Variants in LTN1 observed in about 807,000 individuals in gnomAD.
LTN1 encodes E3 ubiquitin-protein ligase listerin.
LTN1 carries 88 observed loss-of-function variants against 201.2 expected under a neutral mutation model. The observed-to-expected ratio is 0.44, with a 90% confidence interval of 0.37 to 0.52. The LOEUF is 0.52. Ranked by LOEUF, LTN1 falls within the 20% of genes least tolerant of loss-of-function variation. The pLI is 0.00. For missense variants in LTN1, 1,752 were observed against 2,038.7 expected (o/e 0.86, Z 2.71); for synonymous variants, 645 against 713.5 (o/e 0.90, Z 1.53).
At chr21:28,935,945 A>C (rs1239697783) in intron 26 of LTN1, among the ~76,000 whole-genome samples, 1 of 152,192 alleles carries the variant, frequency 6.6e-6, no homozygotes. Flanking sequence ...TAGAATACAC[A>C]TATTTTAAAA....
chr21:28,990,964 G>A (rs2084740335), intron 1 of LTN1, among the ~76,000 whole-genome samples: 1 of 151,686 alleles, frequency 6.6e-6, no homozygotes, highest in Non-Finnish European at 1.5e-5. Context: ...TGGGCAACAT[G>A]GCAAAACTCT....
At position 28,943,693 on chromosome 21, in the gene LTN1, T is replaced by C; in HGVS notation, c.4194A>G (p.Gln1398=). Residue 1398 remains glutamine, a synonymous_variant, in exon 23 of 30, where the codon CAA becomes CAG. Coordinates refer to ENST00000361371, the MANE Select transcript of LTN1 (RefSeq NM_015565.3). ...TGTATAGCATATGATAAACAGCAAT[T>C]TGCACAGGCCTAGCTCTGAAGAGGA... The part of the protein sequence containing the change: ...PLLLFRARPV[Q]IAVYHMLYKL... The C allele has an allele frequency of 6.2e-7, 1 of 1,612,124 alleles. No homozygotes were observed. The highest frequency in any genetic ancestry group is 8.5e-7 in the Non-Finnish European group (1 of 1,178,256).
chr21:28,928,208 G>A lies in LTN1; in HGVS notation c.*2240C>T, dbSNP rs954398703. On this transcript the variant is annotated 3_prime_UTR_variant, in exon 30 of 30. Coordinates refer to ENST00000361371, the MANE Select transcript of LTN1 (RefSeq NM_015565.3). ...AGAAGCAAATATGGCAAAATAGTAT[G>A]TGAAGGGTACAAGGGCATTTATATT... is the stretch of plus-strand genomic sequence containing the variant. 6.6e-6 allele frequency: 1 copy of A among 152,484 alleles called. No individual in the cohort carries two copies. The highest frequency in any genetic ancestry group is 1.5e-5 in the Non-Finnish European group (1 of 67,998). 9.4% of individuals were successfully genotyped at this position (152,484 alleles called of 1,614,324 possible).
Position 28,929,984 on chromosome 21 carries a change from TTTA to T in LTN1, c.*461_*463del, listed in dbSNP as rs1568828298. 2 of 152,382 alleles carry T rather than the reference TTTA, an allele frequency of 1.3e-5. No homozygotes were observed. The highest frequency in any genetic ancestry group is 2.1e-4 in the South Asian group (1 of 4,842). The allele number at this position is 152,382 out of a possible 1,614,324, so 9.4% of individuals were successfully genotyped here. A position where few individuals can be genotyped will look rare whatever the true frequency, so the allele number is the denominator to read the frequency against. The stretch of plus-strand genomic sequence containing the variant: ...TAATCTACAAATATCAGAATACTAA[TTTA>T]TTGTCATAACTAATAAATAAGGCTT... On this transcript the variant is annotated 3_prime_UTR_variant, in exon 30 of 30. Transcript: ENST00000361371.
intron 18 of LTN1, among the ~76,000 whole-genome samples, chr21:28,951,213 AGTT>A (rs1207044631): frequency 3.9e-5 from 6 of 152,226 alleles, no homozygotes; most frequent in Non-Finnish European, 8.8e-5. Flanking sequence ...CAAAATAAAA[AGTT>A]TTTTAAAACT....
chr21:28,966,568 A>C lies in LTN1; in HGVS notation c.1923T>G (p.Ile641Met). The C allele has an allele frequency of 6.2e-7, 1 of 1,614,144 alleles. No individual in the cohort carries two copies. The highest frequency in any genetic ancestry group is 2.2e-5 in the East Asian group (1 of 44,868). Residue 641 changes from isoleucine to methionine, a missense_variant, in exon 10 of 30, where the codon ATT (isoleucine) becomes ATG (methionine). Physicochemically the swap from Ile to Met is conservative, Grantham distance 10 (BLOSUM62 1). Coordinates refer to ENST00000361371, the MANE Select transcript of LTN1 (RefSeq NM_015565.3). Reference protein sequence around the residue: ...KMLLGDEKQSIVQAKPLEIAK... With the variant: ...KMLLGDEKQSMVQAKPLEIAK... ...CTATTTCAAGAGGTTTGGCTTGGAC[A>C]ATACTCTGTTTTTCATCACCAAGTA...
intron 6 of LTN1, among the ~76,000 whole-genome samples, chr21:28,976,166 T>C (rs2084613738): frequency 6.6e-6 from 1 of 152,102 alleles, no homozygotes; most frequent in Admixed American, 6.6e-5. Flanking sequence ...TATATAAGTA[T>C]ATATACATGT....
intron 1 of LTN1, among the ~76,000 whole-genome samples, chr21:28,988,417 A>C (rs920621751): frequency 4.0e-5 from 6 of 151,550 alleles, no homozygotes; most frequent in Admixed American, 1.3e-4. Flanking sequence ...CAGTGAGTCA[A>C]GATTGTGCTA....
intron 15 of LTN1, among the ~76,000 whole-genome samples, 160 bp downstream of exon 15, chr21:28,957,172 T>C (rs1450122736): frequency 6.6e-6 from 1 of 152,176 alleles, no homozygotes; most frequent in Non-Finnish European, 1.5e-5. Flanking sequence ...AAATGGTGTC[T>C]TGCAAAAAGC....
chr21:28,955,910 G>A (rs540702210), intron 16 of LTN1, among the ~76,000 whole-genome samples: 97 of 124,768 alleles, frequency 7.8e-4, no homozygotes, highest in Non-Finnish European at 1.2e-3. Flanking sequence ...GCAACAGAGC[G>A]AGACTCTGTC....
chr21:28,965,026 A>G (rs2084510002), intron 11 of LTN1, among the ~76,000 whole-genome samples: 1 of 152,228 alleles, frequency 6.6e-6, no homozygotes, highest in Non-Finnish European at 1.5e-5. Flanking sequence ...TAATGGATAC[A>G]GGGTTTCAGT....
At position 28,960,668 on chromosome 21, in the gene LTN1, A is replaced by C; in HGVS notation, c.2202T>G (p.Pro734=). The change falls in exon 12 of 30, where the codon CCT becomes CCG. Residue 734 remains proline (P), a synonymous_variant. Transcript: ENST00000361371. The part of the protein sequence containing the change: ...PSSDKHALVT[P]WLKGDILGEK... ...CACCAAGGATATCGCCTTTGAGCCAAGGAGTTACTAAAGCATGTTTATCTG... is the reference window on the plus strand; with the variant it reads ...CACCAAGGATATCGCCTTTGAGCCACGGAGTTACTAAAGCATGTTTATCTG... 6.2e-7 allele frequency: 1 copy of C among 1,614,032 alleles called. No homozygotes were observed. Among genetic ancestry groups the C allele is most frequent in the Non-Finnish European group, 8.5e-7 (1 of 1,179,966 alleles).
chr21:28,949,828 G>A (rs2084368951), intron 18 of LTN1, among the ~76,000 whole-genome samples: 1 of 152,122 alleles, frequency 6.6e-6, no homozygotes, highest in African/African-American at 2.4e-5. Context: ...GAAGGTCTCA[G>A]TATTTTTCTT....
chr21:28,964,154 C>T (rs1180133743), intron 11 of LTN1, among the ~76,000 whole-genome samples: 1 of 152,192 alleles, frequency 6.6e-6, no homozygotes, highest in Non-Finnish European at 1.5e-5. Flanking sequence ...AAAGGATTGA[C>T]TCCAATTTTG....
chr21:28,943,563 C>T, intron 23 of LTN1, 104 bp downstream of exon 23: 1 of 897,608 alleles, frequency 1.1e-6, no homozygotes, highest in Non-Finnish European at 1.7e-6. Context: ...AGTCAGATCT[C>T]CTTCTTTTAA....
chr21:28,972,122 T>C (rs2084579987), intron 6 of LTN1, among the ~76,000 whole-genome samples: 1 of 152,058 alleles, frequency 6.6e-6, no homozygotes, highest in African/African-American at 2.4e-5. Flanking sequence ...AGAGGGCCCT[T>C]ACAAAAGGGT....
rs1189014359 is a variant in LTN1, at chr21:28,967,041, C to T, written c.1450G>A (p.Glu484Lys). 1.2e-5 allele frequency: 20 copies of T among 1,614,024 alleles called. No homozygotes were observed. The highest frequency in any genetic ancestry group is 1.7e-5 in the Non-Finnish European group (20 of 1,180,028). ...EKDEKTAHNL[E>K]NVLIHFWERL... ...TCCCAGAAATGTATCAGTACGTTCT[C>T]CAAGTTGTGAGCTGTTTTTTCATCT... Residue 484 changes from glutamate to lysine, a missense_variant, in exon 10 of 30, where the codon GAG becomes AAG. Coordinates refer to ENST00000361371, the MANE Select transcript of LTN1 (RefSeq NM_015565.3).
chr21:28,981,042 A>G lies in LTN1; in HGVS notation c.810+77T>C, dbSNP rs1253482366. The stretch of plus-strand genomic sequence containing the variant: ...GCTTGCAGAGTTCTAAGTATAAACA[A>G]TAAACATAAAACATAAACTAAGAAG... On this transcript the variant is annotated intron_variant, in intron 6 of 29. Coordinates refer to ENST00000361371, the MANE Select transcript of LTN1 (RefSeq NM_015565.3). 4 of 909,060 alleles carry G rather than the reference A, an allele frequency of 4.4e-6. No individual in the cohort carries two copies. In the East Asian group the frequency reaches 1.1e-4, roughly 25 times the overall value. 56.3% of individuals were successfully genotyped at this position (909,060 alleles called of 1,614,324 possible).
intron 6 of LTN1, among the ~76,000 whole-genome samples, chr21:28,978,500 A>G (rs2084634078): frequency 6.6e-6 from 1 of 152,252 alleles, no homozygotes; most frequent in African/African-American, 2.4e-5. Flanking sequence ...GATGAAGTGA[A>G]GATTTTATAT....
Sources: gnomAD v4.1 joint callset for allele counts (sites outside exome capture counted in the v4.1 genomes callset) on GRCh38, gnomAD v4.1.1 for gene constraint, MANE v1.5 for transcripts, NCBI Gene and HGNC (gene_info 2026-07-23, HGNC 2026-07-21) for gene names.